The following ERMP1 variants were observed in gnomAD, a reference collection of about 807,000 sequenced individuals.
ERMP1 encodes endoplasmic reticulum metallopeptidase 1, also known as Felix-ina.
Under a neutral mutation model 92.0 loss-of-function variants are expected in ERMP1, and 86 were observed. That is an observed-to-expected ratio of 0.93 (90% CI 0.79 to 1.12). ERMP1 has a LOEUF of 1.12. Ranked by LOEUF, ERMP1 falls within the 50% of genes most tolerant of loss-of-function variation. The probability of loss-of-function intolerance (pLI) is 0.00; values close to 1 mark genes in which losing one functional copy is unlikely to be tolerated. For synonymous variants in ERMP1, 530 were observed against 412.8 expected (o/e 1.28, Z -3.44); for missense variants, 1,342 against 1,116.3 (o/e 1.20, Z -2.88).
intron 1 of ERMP1, 184 bp downstream of exon 1, chr9:5,832,506 G>A (rs115128684): frequency 1.2e-5 from 6 of 495,148 alleles, no homozygotes; most frequent in Non-Finnish European, 3.5e-6. Flanking sequence ...CAAGCCCCAA[G>A]TCCCGGCAAT....
intron 2 of ERMP1, among the ~76,000 whole-genome samples, chr9:5,827,247 T>C (rs1044666768): frequency 3.3e-5 from 5 of 152,200 alleles, no homozygotes; most frequent in Admixed American, 1.3e-4. Context: ...ATTTAGGTGA[T>C]AGTCTATTTC....
intron 2 of ERMP1, among the ~76,000 whole-genome samples, chr9:5,826,840 G>T (rs1457026293): frequency 6.6e-6 from 1 of 152,086 alleles, no homozygotes; most frequent in Non-Finnish European, 1.5e-5. Flanking sequence ...GAAATTGAAA[G>T]GTATCTATAC....
chr9:5,839,069 A>C (rs550784888), intron 6 of ERMP1, among the ~76,000 whole-genome samples: 1 of 152,214 alleles, frequency 6.6e-6, no homozygotes, highest in Non-Finnish European at 1.5e-5. Context: ...AAGGCAGTTT[A>C]TAAATTGATT....
intron 10 of ERMP1, 37 bp downstream of exon 10, chr9:5,804,990 A>C: frequency 6.7e-7 from 1 of 1,495,692 alleles, no homozygotes; most frequent in Non-Finnish European, 9.1e-7. Flanking sequence ...ATTCATATAA[A>C]AAATGAAGAA....
At chr9:5,825,957 T>C (rs1324701836) in intron 2 of ERMP1, among the ~76,000 whole-genome samples, 1 of 152,202 alleles carries the variant, frequency 6.6e-6, no homozygotes, top group African/African-American at 2.4e-5. Context: ...AAGGAATTGA[T>C]TGGATATTTG....
intron 9 of ERMP1, 78 bp downstream of exon 9, chr9:5,805,533 C>T: frequency 7.5e-7 from 1 of 1,336,774 alleles, no homozygotes; most frequent in Non-Finnish European, 1.0e-6. Flanking sequence ...CCAATAAAAC[C>T]AAAAAAGAAA....
intron 6 of ERMP1, among the ~76,000 whole-genome samples, chr9:5,849,176 C>T (rs546826892): frequency 1.4e-4 from 22 of 152,270 alleles, no homozygotes; most frequent in African/African-American, 3.9e-4. Flanking sequence ...GCATGTGCCA[C>T]CACACCCAGC....
In ERMP1 at chr9:5,823,907, A is replaced by G; in HGVS notation, c.863T>C (p.Val288Ala). 1 of 1,610,380 alleles carries G rather than the reference A, an allele frequency of 6.2e-7. No homozygotes were observed. Among genetic ancestry groups the G allele is most frequent in the Non-Finnish European group, 8.5e-7 (1 of 1,176,664 alleles). Residue 288 changes from valine to alanine, a missense_variant, in exon 4 of 15, where the codon GTA (valine) becomes GCA (alanine). Val to Ala is a moderately conservative substitution (Grantham distance 64, BLOSUM62 0). Coordinates refer to ENST00000339450, the MANE Select transcript of ERMP1 (RefSeq NM_024896.3). ...EAAGVGGKEL[V>A]FQTGPENPWL... ...ACAATCTCACATACCTGTTTGGAAT[A>G]CAAGTTCTTTCCCTCCTACACCTGC...
chr9:5,845,056 G>C (rs1461429283), intron 6 of ERMP1, among the ~76,000 whole-genome samples: 1 of 151,902 alleles, frequency 6.6e-6, no homozygotes, highest in Non-Finnish European at 1.5e-5. Flanking sequence ...GGGCAGTATA[G>C]GGCCTTTGAA....
In ERMP1 at chr9:5,842,138, G is replaced by C. The variant is rs553377123; in HGVS notation, n.3200-8826C>G. ...AGAACAAAGCCTCCACACAGTGCAA[G>C]GGGACTGGAGCAGGTTGCAGCTGCT... On this transcript the variant is annotated intron_variant and non_coding_transcript_variant, in intron 6 of 6. Coordinates refer to the ERMP1 transcript ENST00000690753. 6.4e-4 allele frequency among the ~76,000 whole-genome samples: 98 copies of C among 152,318 alleles called. 1 individual carries two copies. The highest frequency in any genetic ancestry group is 6.5e-4 in the Admixed American group (10 of 15,302).
chr9:5,788,803 T>C (rs1298620103), intron 13 of ERMP1, among the ~76,000 whole-genome samples: 1 of 151,944 alleles, frequency 6.6e-6, no homozygotes, highest in Non-Finnish European at 1.5e-5. Flanking sequence ...AACCCCACCA[T>C]GAATCAGAAA....
At chr9:5,847,734 A>G (rs1830255319) in intron 6 of ERMP1, among the ~76,000 whole-genome samples, 1 of 151,914 alleles carries the variant, frequency 6.6e-6, no homozygotes. Flanking sequence ...TGTCTACTAC[A>G]AATACAAAAA....
intron 2 of ERMP1, among the ~76,000 whole-genome samples, chr9:5,827,480 G>A (rs955115269): frequency 2.6e-5 from 4 of 152,240 alleles, no homozygotes; most frequent in African/African-American, 9.6e-5. Context: ...TTTGATGAAT[G>A]TGTGAAACAC....
At chr9:5,858,727 T>C (rs997188964) in intron 6 of ERMP1, among the ~76,000 whole-genome samples, 3 of 152,176 alleles carry the variant, frequency 2.0e-5, no homozygotes, top group African/African-American at 7.2e-5. Flanking sequence ...CCCCTTTTCC[T>C]TCATGGTGGT....
rs1403457670 is a variant in ERMP1, at chr9:5,784,867, T to TAACA, written c.*2273_*2276dup. 2 of 152,554 alleles carry TAACA rather than the reference T, an allele frequency of 1.3e-5. No individual in the cohort carries two copies. Among genetic ancestry groups the TAACA allele is most frequent in the East Asian group, 1.9e-4 (1 of 5,202 alleles). The allele number at this position is 152,554 out of a possible 1,614,324, so 9.5% of individuals were successfully genotyped here. ...CCCTGAATATGCAGTACTGTACTAC[T>TAACA]AACATCTAATTCTGTAGAAAATAAT... On this transcript the variant is annotated 3_prime_UTR_variant, in exon 15 of 15. Transcript: ENST00000339450.
intron 4 of ERMP1, among the ~76,000 whole-genome samples, chr9:5,813,275 G>A (rs141540729): frequency 6.6e-6 from 1 of 152,176 alleles, no homozygotes; most frequent in Non-Finnish European, 1.5e-5. Context: ...AAGTCTGTCT[G>A]AAAATGAAAG....
chr9:5,805,177 C>T lies in ERMP1; in HGVS notation c.1764G>A (p.Met588Ile), dbSNP rs761159172. ...GKFIAFYLLG[M>I]FIPYLYALYL... ...ACAATGCATAAAGATAAGGAATAAA[C>T]ATCCCCAAAAGGTAAAAAGCAATAA... Residue 588 changes from methionine (M) to isoleucine (I), a missense_variant, in exon 10 of 15, where the codon ATG becomes ATA. Met to Ile is a conservative substitution (Grantham distance 10). Coordinates refer to ENST00000339450, the MANE Select transcript of ERMP1 (RefSeq NM_024896.3). 6.2e-7 allele frequency: 1 copy of T among 1,611,706 alleles called. No individual in the cohort carries two copies. The highest frequency in any genetic ancestry group is 8.5e-7 in the Non-Finnish European group (1 of 1,179,322).
upstream of ERMP1, among the ~76,000 whole-genome samples, chr9:5,837,312 T>G (rs1830106302): frequency 6.6e-6 from 1 of 152,026 alleles, no homozygotes; most frequent in African/African-American, 2.4e-5. Context: ...AAAAATCAAA[T>G]TAGAACCTCA....
intron 10 of ERMP1, 134 bp from the exon 11 acceptor site, chr9:5,801,462 C>T: frequency 1.4e-6 from 1 of 702,966 alleles, no homozygotes; most frequent in Non-Finnish European, 2.3e-6. Context: ...TGCTAGCATA[C>T]TCTAACATCT....
Sources: allele counts gnomAD v4.1 joint callset (sites outside exome capture counted in the v4.1 genomes callset), GRCh38; gene constraint gnomAD v4.1.1; transcripts MANE v1.5; gene names NCBI Gene and HGNC (gene_info 2026-07-23, HGNC 2026-07-21).